CDH12: variants seen among roughly 807,000 people sequenced by gnomAD.
The protein encoded by CDH12 is cadherin-12.
CDH12 carries 41 observed loss-of-function variants against 74.1 expected under a neutral mutation model. The ratio of observed to expected loss-of-function variants is 0.55; its 90% CI spans 0.43 to 0.72. CDH12 has a LOEUF of 0.72. Ranked by LOEUF, CDH12 falls within the 30% of genes least tolerant of loss-of-function variation. CDH12 has a pLI of 0.00. For synonymous variants in CDH12, 399 were observed against 355.0 expected, an observed-to-expected ratio of 1.12 and a Z score of -1.39; for missense variants, 945 against 977.2, an observed-to-expected ratio of 0.97 and a Z score of 0.44.
intron 3 of CDH12, among the ~76,000 whole-genome samples, chr5:22,308,869 GGAGAGAGAGAGA>G (rs1421271471): frequency 7.5e-6 from 1 of 133,828 alleles, no homozygotes; most frequent in African/African-American, 2.9e-5. Flanking sequence ...GAGAGAGAGA[GGAGAGAGAGAGA>G]GAAAGAGAGA....
chr5:22,635,774 C>T (rs925931300), intron 1 of CDH12, among the ~76,000 whole-genome samples: 16 of 151,906 alleles, frequency 1.1e-4, no homozygotes, highest in Non-Finnish European at 1.5e-4. Flanking sequence ...ATTAGCTGGG[C>T]GTAGTGGCAT....
chr5:22,136,849 C>T (rs1342565168), intron 4 of CDH12, among the ~76,000 whole-genome samples: 1 of 151,320 alleles, frequency 6.6e-6, no homozygotes, highest in Admixed American at 6.6e-5. Context: ...TGTGATGAAG[C>T]CTATATCATT....
chr5:22,390,623 T>TA (rs77664882), intron 3 of CDH12, among the ~76,000 whole-genome samples: 2 of 146,718 alleles, frequency 1.4e-5, no homozygotes, highest in East Asian at 2.0e-4. Context: ...GATAGATAGA[T>TA]GATAGAATAT....
At chr5:22,441,006 A>G (rs1464989987) in intron 2 of CDH12, among the ~76,000 whole-genome samples, 1 of 152,146 alleles carries the variant, frequency 6.6e-6, no homozygotes, top group Admixed American at 6.6e-5. Flanking sequence ...GGCAGAGTAC[A>G]GGTTGGATTT....
At chr5:22,763,052 C>G (rs928790347) in intron 1 of CDH12, among the ~76,000 whole-genome samples, 8 of 151,714 alleles carry the variant, frequency 5.3e-5, no homozygotes, top group African/African-American at 1.9e-4. Flanking sequence ...GATGTTCTGC[C>G]TTGATGCCAT....
intron 5 of CDH12, among the ~76,000 whole-genome samples, chr5:22,067,358 A>C (rs2150212464): frequency 6.6e-6 from 1 of 152,324 alleles, no homozygotes; most frequent in South Asian, 2.1e-4. Flanking sequence ...GTGAAGCATA[A>C]GTTGTTGCAT....
intron 3 of CDH12, among the ~76,000 whole-genome samples, chr5:22,276,608 C>T (rs921457611): frequency 6.6e-6 from 1 of 152,178 alleles, no homozygotes; most frequent in African/African-American, 2.4e-5. Flanking sequence ...TGAACGTTAA[C>T]ACTTGAAAAA....
chr5:22,701,903 A>G (rs1342944317), intron 1 of CDH12, among the ~76,000 whole-genome samples: 2 of 152,158 alleles, frequency 1.3e-5, no homozygotes, highest in Non-Finnish European at 2.9e-5. Flanking sequence ...ATATCAGCTC[A>G]ATCATATGAC....
intron 1 of CDH12, among the ~76,000 whole-genome samples, chr5:22,684,683 C>T (rs1330777010): frequency 6.6e-6 from 1 of 152,198 alleles, no homozygotes; most frequent in African/African-American, 2.4e-5. Context: ...AGAGCTATAG[C>T]AATTGGTGTT....
At chr5:21,948,923 C>T (rs188393901) in intron 6 of CDH12, among the ~76,000 whole-genome samples, 2,918 of 151,678 alleles carry the variant, frequency 0.019, 101 homozygotes, top group African/African-American at 0.067. Flanking sequence ...ACACACAATC[C>T]TTCTCTCTCC....
At chr5:22,773,034 T>C (rs941001788) in intron 1 of CDH12, among the ~76,000 whole-genome samples, 53 of 152,184 alleles carry the variant, frequency 3.5e-4, no homozygotes, top group African/African-American at 1.3e-3. Flanking sequence ...ATACTCTATG[T>C]TCATTGATTG....
chr5:22,271,442 G>A (rs571634301), intron 3 of CDH12, among the ~76,000 whole-genome samples: 53 of 152,248 alleles, frequency 3.5e-4, no homozygotes, highest in African/African-American at 1.2e-3. Flanking sequence ...TCGTCCATGA[G>A]GTTGGGAATT....
At chr5:22,597,147 TACATATCCAGCA>T (rs1240727209) in intron 1 of CDH12, among the ~76,000 whole-genome samples, 31 of 152,198 alleles carry the variant, frequency 2.0e-4, no homozygotes, top group Admixed American at 2.0e-3. Context: ...CCTAAAAACT[TACATATCCAGCA>T]ACCAAACTTG....
intron 6 of CDH12, among the ~76,000 whole-genome samples, chr5:21,920,667 T>TAGTATAATAATAATAATA (rs879631258): frequency 1.4e-5 from 2 of 145,476 alleles, no homozygotes; most frequent in South Asian, 2.2e-4. Context: ...GAACTTAAAG[T>TAGTATAATAATAATAATA]ATGATAATAA....
intron 6 of CDH12, among the ~76,000 whole-genome samples, chr5:21,930,632 C>G (rs1303308833): frequency 6.6e-6 from 1 of 152,076 alleles, no homozygotes; most frequent in Non-Finnish European, 1.5e-5. Context: ...ATATTAACTC[C>G]CATCCCTACT....
chr5:22,743,279 T>C (rs6896070), intron 1 of CDH12, among the ~76,000 whole-genome samples: 19 of 111,338 alleles, frequency 1.7e-4, no homozygotes, highest in East Asian at 1.5e-3. Flanking sequence ...TATATATATA[T>C]ATGTATATAT....
In CDH12 at chr5:22,260,200, A is replaced by C. The variant is rs150832965; in HGVS notation, c.-332-47557T>G. Reference sequence around the variant, plus strand: ...GAAATATGAAGATTTTGAACAAATAACATCTATCCTCTCTTTTAAATTCTT... The same window carrying C: ...GAAATATGAAGATTTTGAACAAATACCATCTATCCTCTCTTTTAAATTCTT... On this transcript the variant is annotated intron_variant, in intron 3 of 14. Transcript: ENST00000382254. Among the ~76,000 whole-genome samples, 666 of 152,226 alleles carry C rather than the reference A, an allele frequency of 4.4e-3. 1 individual carries two copies. The highest frequency in any genetic ancestry group is 0.014 in the Middle Eastern group (4 of 294).
intron 8 of CDH12, among the ~76,000 whole-genome samples, chr5:21,828,807 G>C (rs1013913546): frequency 4.6e-5 from 7 of 151,046 alleles, no homozygotes; most frequent in Non-Finnish European, 1.0e-4. Context: ...TATTCTTTCA[G>C]GGACAACCTA....
chr5:22,188,932 C>A (rs982874586), intron 4 of CDH12, among the ~76,000 whole-genome samples: 2 of 152,166 alleles, frequency 1.3e-5, no homozygotes, highest in Non-Finnish European at 2.9e-5. Context: ...AAGCAATTTG[C>A]TCAGTAGCAG....
Sources: gnomAD v4.1 joint callset for allele counts (sites outside exome capture counted in the v4.1 genomes callset) on GRCh38, gnomAD v4.1.1 for gene constraint, MANE v1.5 for transcripts, NCBI Gene and HGNC (gene_info 2026-07-23, HGNC 2026-07-21) for gene names.